Variants in GABRG1 observed in about 807,000 individuals in gnomAD.
GABRG1 encodes the protein gamma-aminobutyric acid type A receptor subunit gamma1, also known as gamma-aminobutyric acid receptor subunit gamma-1.
In GABRG1, 49 loss-of-function variants were observed where a neutral mutation model predicts 49.8. The observed-to-expected ratio is 0.98, with a 90% CI of 0.78 to 1.25. The LOEUF (loss-of-function observed/expected upper bound fraction) is 1.25, where lower values mean the gene tolerates loss of function less well. Ranked by LOEUF, GABRG1 falls within the 50% of genes most tolerant of loss-of-function variation. The pLI, the probability that GABRG1 is intolerant of heterozygous loss-of-function variation, is 0.00. For missense variants in GABRG1, 552 were observed against 552.3 expected (o/e 1.00, Z 0.01); for synonymous variants, 232 against 185.1 (o/e 1.25, Z -2.06).
intron 1 of GABRG1, among the ~76,000 whole-genome samples, chr4:46,117,758 A>G (rs1215074574): frequency 7.1e-6 from 1 of 140,894 alleles, no homozygotes; most frequent in African/African-American, 2.7e-5. Context: ...ACATACATGT[A>G]TATACATATA....
intron 2 of GABRG1, among the ~76,000 whole-genome samples, chr4:46,092,295 T>A (rs553344336): frequency 1.3e-5 from 2 of 152,078 alleles, no homozygotes; most frequent in Non-Finnish European, 2.9e-5. Context: ...TTCAGATAAA[T>A]ATAGAATAAA....
intron 1 of GABRG1, among the ~76,000 whole-genome samples, chr4:46,102,528 C>G (rs1410288342): frequency 6.6e-6 from 1 of 151,612 alleles, no homozygotes; most frequent in African/African-American, 2.4e-5. Context: ...ACTCCCTCCT[C>G]CTCTCATTTA....
At chr4:46,052,295 A>T (rs1718258080) in intron 7 of GABRG1, among the ~76,000 whole-genome samples, 1 of 151,844 alleles carries the variant, frequency 6.6e-6, no homozygotes, top group African/African-American at 2.4e-5. Context: ...TATCTAATTG[A>T]AGTGACAGTG....
chr4:46,067,202 C>A (rs372329983), intron 3 of GABRG1, among the ~76,000 whole-genome samples: 16 of 151,890 alleles, frequency 1.1e-4, no homozygotes, highest in East Asian at 7.7e-4. Context: ...AGGTTCCAGG[C>A]ATACTACTTA....
At chr4:46,109,283 C>G (rs1357597408) in intron 1 of GABRG1, among the ~76,000 whole-genome samples, 1 of 150,660 alleles carries the variant, frequency 6.6e-6, no homozygotes, top group Admixed American at 6.6e-5. Flanking sequence ...TGCATTTGCT[C>G]CAGATTTTCT....
chr4:46,052,329 A>G (rs2109398478), intron 7 of GABRG1, among the ~76,000 whole-genome samples: 2 of 151,980 alleles, frequency 1.3e-5, no homozygotes, highest in Admixed American at 1.3e-4. Context: ...CACCATACAT[A>G]TACAGTCAAA....
chr4:46,113,424 G>T (rs1369873514), intron 1 of GABRG1, among the ~76,000 whole-genome samples: 2 of 150,900 alleles, frequency 1.3e-5, no homozygotes, highest in African/African-American at 2.4e-5. Flanking sequence ...AGGGGTAACT[G>T]CCCCCATGAT....
intron 1 of GABRG1, among the ~76,000 whole-genome samples, chr4:46,100,853 A>G (rs191131440): frequency 1.3e-5 from 2 of 151,440 alleles, no homozygotes; most frequent in East Asian, 3.9e-4. Flanking sequence ...AAAATACTAT[A>G]AAGTTATCTT....
At chr4:46,073,128 T>G (rs953005280) in intron 3 of GABRG1, among the ~76,000 whole-genome samples, 2 of 152,010 alleles carry the variant, frequency 1.3e-5, no homozygotes, top group African/African-American at 4.8e-5. Flanking sequence ...AAACCTTTAT[T>G]AAATTTAAAT....
chr4:46,053,732 GT>G (rs1411525596), intron 7 of GABRG1, among the ~76,000 whole-genome samples: 3 of 151,876 alleles, frequency 2.0e-5, no homozygotes, highest in Non-Finnish European at 4.4e-5. Flanking sequence ...ACTTTATTAA[GT>G]TTCTGTTACT....
intron 8 of GABRG1, among the ~76,000 whole-genome samples, chr4:46,049,392 A>C (rs1202309862): frequency 6.6e-6 from 1 of 151,872 alleles, no homozygotes; most frequent in Admixed American, 6.6e-5. Context: ...TTCACTCAAA[A>C]TATCATTTAG....
At chr4:46,117,993 T>C (rs1176385056) in intron 1 of GABRG1, among the ~76,000 whole-genome samples, 1 of 108,646 alleles carries the variant, frequency 9.2e-6, no homozygotes, top group Non-Finnish European at 1.8e-5. Context: ...TGTATCTATA[T>C]ACATATATAC....
chr4:46,099,961 C>T (rs183133154), intron 1 of GABRG1, among the ~76,000 whole-genome samples: 3 of 151,728 alleles, frequency 2.0e-5, no homozygotes, highest in East Asian at 3.9e-4. Context: ...ATTTGAGATA[C>T]GTTTATATAT....
chr4:46,117,716 A>G (rs1444966841), intron 1 of GABRG1, among the ~76,000 whole-genome samples: 1 of 144,654 alleles, frequency 6.9e-6, no homozygotes, highest in East Asian at 2.0e-4. Context: ...ACATACATGT[A>G]TATACATATA....
chr4:46,065,713 A>C (rs1718890412), intron 3 of GABRG1, 129 bp from the exon 4 acceptor site: 4 of 595,056 alleles, frequency 6.7e-6, no homozygotes, highest in Non-Finnish European at 1.2e-5. Context: ...CGGAGGAAAA[A>C]AATGCCATTA....
intron 1 of GABRG1, among the ~76,000 whole-genome samples, chr4:46,116,194 C>T (rs1273779126): frequency 1.3e-5 from 2 of 150,726 alleles, no homozygotes; most frequent in African/African-American, 4.8e-5. Flanking sequence ...CTGGTAAATG[C>T]CCAGAAATTG....
chr4:46,121,733 C>A (rs565706461), intron 1 of GABRG1, among the ~76,000 whole-genome samples: 1 of 151,542 alleles, frequency 6.6e-6, no homozygotes, highest in East Asian at 1.9e-4. Flanking sequence ...ATAACATGAA[C>A]TGTCATAACT....
intron 1 of GABRG1, among the ~76,000 whole-genome samples, chr4:46,109,439 T>C (rs899153297): frequency 7.3e-5 from 11 of 151,038 alleles, no homozygotes; most frequent in Non-Finnish European, 1.2e-4. Flanking sequence ...TAGCTTTCAG[T>C]CCATCAATCT....
chr4:46,065,931 C>T (rs879699093), intron 3 of GABRG1, among the ~76,000 whole-genome samples: 6 of 151,996 alleles, frequency 3.9e-5, no homozygotes, highest in Non-Finnish European at 7.4e-5. Flanking sequence ...ACCGTGTTAG[C>T]CAGGATGGTC....
Sources: allele counts gnomAD v4.1 joint callset (sites outside exome capture counted in the v4.1 genomes callset), GRCh38; gene constraint gnomAD v4.1.1; transcripts MANE v1.5; gene names NCBI Gene and HGNC (gene_info 2026-07-23, HGNC 2026-07-21).